MAPK10: variants seen among roughly 807,000 people sequenced by gnomAD.
MAPK10 encodes the protein JNK3 alpha protein kinase.
In MAPK10, 25 loss-of-function variants were observed where a neutral mutation model predicts 59.3. The ratio of observed to expected loss-of-function variants is 0.42; its 90% confidence interval spans 0.31 to 0.59. The LOEUF (loss-of-function observed/expected upper bound fraction) is 0.59, where lower values mean the gene tolerates loss of function less well. Ranked by LOEUF, MAPK10 falls within the 20% of genes least tolerant of loss-of-function variation. MAPK10 has a pLI of 0.15. For missense variants in MAPK10, 351 were observed against 568.9 expected, an observed-to-expected ratio of 0.62 and a Z score of 3.90; for synonymous variants, 190 against 200.5, an observed-to-expected ratio of 0.95 and a Z score of 0.44.
At chr4:86,247,671 T>G (rs2093185573) in intron 2 of MAPK10, among the ~76,000 whole-genome samples, 1 of 152,056 alleles carries the variant, frequency 6.6e-6, no homozygotes, top group Non-Finnish European at 1.5e-5. Context: ...GTGTGTTGTG[T>G]AGGTGATCTG....
intron 1 of MAPK10, among the ~76,000 whole-genome samples, chr4:86,471,189 A>G (rs1203462874): frequency 6.6e-6 from 1 of 151,444 alleles, no homozygotes; most frequent in Non-Finnish European, 1.5e-5. Flanking sequence ...GAATTGCTTG[A>G]ACCCAGGAGG....
At chr4:86,086,115 C>T (rs918520320) in intron 9 of MAPK10, among the ~76,000 whole-genome samples, 5 of 152,006 alleles carry the variant, frequency 3.3e-5, no homozygotes, top group African/African-American at 4.8e-5. Context: ...CAAACCACCA[C>T]GGTACACGTT....
intron 1 of MAPK10, among the ~76,000 whole-genome samples, chr4:86,402,825 C>G (rs758929427): frequency 3.9e-5 from 6 of 152,154 alleles, no homozygotes; most frequent in African/African-American, 7.2e-5. Context: ...AACAGGCCAG[C>G]CTTAGCATCT....
chr4:86,121,767 T>C (rs1013057613), intron 4 of MAPK10, among the ~76,000 whole-genome samples: 1 of 152,152 alleles, frequency 6.6e-6, no homozygotes, highest in African/African-American at 2.4e-5. Flanking sequence ...GTATACAATA[T>C]ATTCTTATGA....
At chr4:86,418,255 T>C (rs1746096626) in intron 1 of MAPK10, among the ~76,000 whole-genome samples, 1 of 152,226 alleles carries the variant, frequency 6.6e-6, no homozygotes, top group African/African-American at 2.4e-5. Context: ...GGTTTTTTTT[T>C]AACCTGGAGA....
intron 9 of MAPK10, among the ~76,000 whole-genome samples, chr4:86,069,761 T>C (rs941891243): frequency 1.3e-5 from 2 of 152,052 alleles, no homozygotes; most frequent in Non-Finnish European, 2.9e-5. Context: ...AAACTTAAAA[T>C]AGAGGCAAAG....
At chr4:86,024,190 T>C (rs1350183652) in intron 13 of MAPK10, 1 of 152,118 alleles carries the variant, frequency 6.6e-6, no homozygotes, top group South Asian at 2.1e-4. Flanking sequence ...GGCTCCCTTA[T>C]AGTAAAACAA....
chr4:86,026,250 G>A (rs888412721), intron 13 of MAPK10, among the ~76,000 whole-genome samples: 2 of 152,166 alleles, frequency 1.3e-5, no homozygotes, highest in Non-Finnish European at 2.9e-5. Context: ...CAGAATTGGT[G>A]AATCAGATGC....
At chr4:86,064,198 C>A in intron 11 of MAPK10, 68 bp downstream of exon 11, 1 of 1,588,896 alleles carries the variant, frequency 6.3e-7, no homozygotes, top group South Asian at 1.1e-5. Context: ...GGCTTCTAGT[C>A]CTATTCAGTT....
At chr4:86,169,229 G>T (rs576351896) in intron 3 of MAPK10, among the ~76,000 whole-genome samples, 3 of 152,344 alleles carry the variant, frequency 2.0e-5, no homozygotes, top group Admixed American at 6.5e-5. Flanking sequence ...ACTTTGACGA[G>T]TTGAGAGAAG....
intron 2 of MAPK10, among the ~76,000 whole-genome samples, chr4:86,236,700 T>C (rs2092264349): frequency 6.6e-6 from 1 of 152,108 alleles, no homozygotes; most frequent in South Asian, 2.1e-4. Flanking sequence ...ACAAATAGTT[T>C]GGAGATGGAA....
At chr4:86,578,595 G>T (rs1183015972) in intron 1 of MAPK10, among the ~76,000 whole-genome samples, 1 of 151,678 alleles carries the variant, frequency 6.6e-6, no homozygotes, top group Non-Finnish European at 1.5e-5. Context: ...TATTTGAATT[G>T]TAATATGCTT....
intron 1 of MAPK10, among the ~76,000 whole-genome samples, chr4:86,403,961 T>C (rs1047667779): frequency 1.3e-5 from 2 of 152,158 alleles, no homozygotes; most frequent in African/African-American, 4.8e-5. Flanking sequence ...CCCCTTCCGA[T>C]CTCCTTGATT....
rs145372618 is a variant in MAPK10, at chr4:86,082,990, C to T, written c.803-15035G>A. On this transcript the variant is annotated intron_variant, in intron 9 of 13. Coordinates refer to ENST00000641462, the MANE Select transcript of MAPK10 (RefSeq NM_138982.4). Reference sequence around the variant, plus strand: ...TCATCCATCACTCAGCCAGAGTCTGCGGGACAGACTTGGCACATATACTTA... The same window carrying T: ...TCATCCATCACTCAGCCAGAGTCTGTGGGACAGACTTGGCACATATACTTA... 4.7e-4 allele frequency among the ~76,000 whole-genome samples: 72 copies of T among 152,228 alleles called. 1 individual carries two copies. Among genetic ancestry groups the T allele is most frequent in the Middle Eastern group, 6.8e-3 (2 of 294 alleles).
chr4:86,441,312 G>A (rs1446673095), intron 1 of MAPK10, among the ~76,000 whole-genome samples: 2 of 152,132 alleles, frequency 1.3e-5, no homozygotes, highest in Non-Finnish European at 2.9e-5. Context: ...TCATCCCAAA[G>A]CCTGCCCCAG....
At chr4:86,570,583 T>G (rs531132557) in intron 1 of MAPK10, among the ~76,000 whole-genome samples, 12 of 152,188 alleles carry the variant, frequency 7.9e-5, no homozygotes, top group Non-Finnish European at 1.6e-4. Flanking sequence ...AAATATTTAC[T>G]TGCTGTAAAC....
intron 2 of MAPK10, among the ~76,000 whole-genome samples, chr4:86,272,421 T>C (rs1326115847): frequency 6.6e-6 from 1 of 152,050 alleles, no homozygotes; most frequent in Non-Finnish European, 1.5e-5. Flanking sequence ...ATATATATTA[T>C]TTTTTCTAAA....
chr4:86,222,521 C>A (rs1228993062), intron 2 of MAPK10, among the ~76,000 whole-genome samples: 1 of 152,238 alleles, frequency 6.6e-6, no homozygotes, highest in African/African-American at 2.4e-5. Context: ...TGCAACTTCA[C>A]AGATACCCAT....
chr4:86,337,145 A>G (rs12513353), intron 2 of MAPK10, among the ~76,000 whole-genome samples: 113,824 of 151,926 alleles, frequency 0.75, 43,092 homozygotes, highest in South Asian at 0.91. Context: ...AACAGGACCT[A>G]GCACATAGTA....
Sources: allele counts gnomAD v4.1 joint callset (sites outside exome capture counted in the v4.1 genomes callset), GRCh38; gene constraint gnomAD v4.1.1; transcripts MANE v1.5; gene names NCBI Gene and HGNC (gene_info 2026-07-23, HGNC 2026-07-21).